Variants in DIP2C observed in about 807,000 individuals in gnomAD.
DIP2C encodes the protein disco-interacting protein 2 homolog C.
DIP2C carries 33 observed loss-of-function variants against 192.4 expected under a neutral mutation model. The observed-to-expected ratio is 0.17, with a 90% CI of 0.13 to 0.23. DIP2C has a LOEUF of 0.23. Ranked by LOEUF, DIP2C falls within the 10% of genes least tolerant of loss-of-function variation. DIP2C has a pLI of 1.00. For missense variants in DIP2C, 1,537 were observed against 2,110.1 expected, an observed-to-expected ratio of 0.73 and a Z score of 5.32; for synonymous variants, 979 against 864.1, an observed-to-expected ratio of 1.13 and a Z score of -2.33.
At chr10:284,244 C>A (rs768848697) in intron 34 of DIP2C, among the ~76,000 whole-genome samples, 2 of 152,162 alleles carry the variant, frequency 1.3e-5, no homozygotes, top group Non-Finnish European at 2.9e-5. Flanking sequence ...TTTAGTACTG[C>A]ACCCACGTCC....
In DIP2C at chr10:453,770, G is replaced by A. The variant is rs1004854814; in HGVS notation, c.269-12774C>T. Among the ~76,000 whole-genome samples, 20 of 152,350 alleles carry A rather than the reference G, an allele frequency of 1.3e-4. 1 individual carries two copies. Among genetic ancestry groups the A allele is most frequent in the African/African-American group, 4.6e-4 (19 of 41,574 alleles). On this transcript the variant is annotated intron_variant, in intron 3 of 36. Coordinates refer to ENST00000280886, the MANE Select transcript of DIP2C (RefSeq NM_014974.3). ...ACTCAGGGCTGTCAGGGCAAACACA[G>A]CACAGGGGCTCCAAGGAGACCACGC... is the stretch of plus-strand genomic sequence containing the variant.
chr10:555,865 G>T (rs1053957297), intron 1 of DIP2C, among the ~76,000 whole-genome samples: 3 of 152,124 alleles, frequency 2.0e-5, no homozygotes, highest in Non-Finnish European at 4.4e-5. Flanking sequence ...CCATCTTCAA[G>T]TCACAGAACA....
chr10:579,775 C>T (rs1248165859), intron 1 of DIP2C, among the ~76,000 whole-genome samples: 4 of 152,034 alleles, frequency 2.6e-5, no homozygotes, highest in African/African-American at 4.8e-5. Context: ...AGAGCATACA[C>T]ATCCATATCC....
At chr10:590,398 A>G (rs1173699448) in intron 1 of DIP2C, among the ~76,000 whole-genome samples, 1 of 152,222 alleles carries the variant, frequency 6.6e-6, no homozygotes, top group Non-Finnish European at 1.5e-5. Context: ...TAACGCCCAC[A>G]CTGAGCATCT....
At chr10:614,881 T>C (rs1853345823) in intron 1 of DIP2C, among the ~76,000 whole-genome samples, 1 of 151,964 alleles carries the variant, frequency 6.6e-6, no homozygotes. Context: ...GCAGGAGAGG[T>C]GTGCATGGGA....
chr10:366,171 C>T, intron 19 of DIP2C, 104 bp downstream of exon 19: 1 of 1,492,314 alleles, frequency 6.7e-7, no homozygotes, highest in South Asian at 1.3e-5. Context: ...ACACGTCTTG[C>T]TAAAATGGAT....
In DIP2C at chr10:422,864, A is replaced by T; in HGVS notation, c.564T>A (p.Ala188=). The T allele has an allele frequency of 6.2e-7, 1 of 1,612,998 alleles. No homozygotes were observed. Among genetic ancestry groups the T allele is most frequent in the East Asian group, 2.2e-5 (1 of 44,890 alleles). ...SSSTQSGGSG[A]AHRLADVMAQ... is the part of the protein sequence containing the mutation. The stretch of plus-strand genomic sequence containing the variant: ...CCATGACGTCCGCCAGCCTGTGGGC[A>T]GCCCCGCTGCCCCCGCTCTGCGTAG... The change falls in exon 5 of 37, where the codon GCT becomes GCA. Residue 188 remains alanine (A), a synonymous_variant. Coordinates refer to ENST00000280886, the MANE Select transcript of DIP2C (RefSeq NM_014974.3).
At chr10:396,828 G>GC (rs973681834) in intron 10 of DIP2C, among the ~76,000 whole-genome samples, 1 of 60,312 alleles carries the variant, frequency 1.7e-5, no homozygotes, top group African/African-American at 3.9e-5. Flanking sequence ...AAATCCGGTG[G>GC]GGGGGGGGGA....
intron 1 of DIP2C, among the ~76,000 whole-genome samples, chr10:565,687 A>G (rs1054120926): frequency 2.0e-5 from 3 of 152,232 alleles, no homozygotes; most frequent in African/African-American, 7.2e-5. Flanking sequence ...ATATCATCAA[A>G]TGCACTTAAA....
intron 1 of DIP2C, among the ~76,000 whole-genome samples, chr10:530,734 T>C (rs1339061875): frequency 2.0e-5 from 3 of 150,360 alleles, no homozygotes; most frequent in East Asian, 1.9e-4. Flanking sequence ...TATGTCAACA[T>C]GGCACCCCCT....
At chr10:281,723 T>C (rs977385000) in intron 35 of DIP2C, among the ~76,000 whole-genome samples, 8 of 152,234 alleles carry the variant, frequency 5.3e-5, no homozygotes, top group Non-Finnish European at 8.8e-5. Flanking sequence ...CGGGATACAG[T>C]GCAGCCACAG....
chr10:495,299 A>T (rs1174762874), intron 1 of DIP2C, among the ~76,000 whole-genome samples: 1 of 152,214 alleles, frequency 6.6e-6, no homozygotes, highest in East Asian at 1.9e-4. Flanking sequence ...TCGAATGTAC[A>T]GTGTGGTAAC....
chr10:438,438 T>A (rs112853757), intron 4 of DIP2C, among the ~76,000 whole-genome samples: 2,469 of 152,272 alleles, frequency 0.016, 73 homozygotes, highest in African/African-American at 0.056. Flanking sequence ...CAAATAACAT[T>A]TTTTTACCAT....
intron 1 of DIP2C, among the ~76,000 whole-genome samples, chr10:562,809 C>G (rs1392227963): frequency 6.6e-6 from 1 of 152,188 alleles, no homozygotes. Flanking sequence ...AGGACACACT[C>G]AACACAGAAA....
intron 1 of DIP2C, chr10:667,551 A>C (rs1564325456): frequency 2.0e-5 from 3 of 152,272 alleles, no homozygotes; most frequent in Non-Finnish European, 4.4e-5. Flanking sequence ...GACAACACAC[A>C]ACACACACAA....
intron 1 of DIP2C, among the ~76,000 whole-genome samples, chr10:519,239 G>C (rs909268678): frequency 6.6e-6 from 1 of 152,218 alleles, no homozygotes; most frequent in African/African-American, 2.4e-5. Flanking sequence ...CCAGGGCCCA[G>C]GAGGGAAGGC....
chr10:505,834 A>T (rs528764246), intron 1 of DIP2C, among the ~76,000 whole-genome samples: 1 of 152,128 alleles, frequency 6.6e-6, no homozygotes, highest in African/African-American at 2.4e-5. Context: ...CTGCCCAGCC[A>T]TATTTCCTCT....
At chr10:562,950 A>G (rs966227909) in intron 1 of DIP2C, among the ~76,000 whole-genome samples, 2 of 152,274 alleles carry the variant, frequency 1.3e-5, no homozygotes, top group African/African-American at 2.4e-5. Context: ...TTCTGTGAAC[A>G]TTGACGTGTG....
At chr10:668,831 G>C (rs1588730655) in intron 1 of DIP2C, 1 of 152,234 alleles carries the variant, frequency 6.6e-6, no homozygotes, top group Non-Finnish European at 1.5e-5. Flanking sequence ...TTTATCATCT[G>C]CTCCATGAAT....
Sources: allele counts gnomAD v4.1 joint callset (sites outside exome capture counted in the v4.1 genomes callset), GRCh38; gene constraint gnomAD v4.1.1; transcripts MANE v1.5; gene names NCBI Gene and HGNC (gene_info 2026-07-23, HGNC 2026-07-21).